The following C10orf90 variants were observed in gnomAD, a reference collection of about 807,000 sequenced individuals.
C10orf90 encodes the protein (E2-independent) E3 ubiquitin-conjugating enzyme FATS.
A neutral mutation model predicts 62.5 loss-of-function variants in C10orf90; 56 were observed. The observed-to-expected ratio is 0.90, with a 90% CI of 0.72 to 1.12. The LOEUF (loss-of-function observed/expected upper bound fraction) is 1.12, where lower values mean the gene tolerates loss of function less well. Ranked by LOEUF, C10orf90 falls within the 50% of genes most tolerant of loss-of-function variation. C10orf90 has a pLI of 0.00. For missense variants in C10orf90, 970 were observed against 880.4 expected (o/e 1.10, Z -1.29); for synonymous variants, 386 against 340.4 (o/e 1.13, Z -1.47).
Position 126,456,278 on chromosome 10 carries a change from T to C in C10orf90, c.2188+2762A>G, listed in dbSNP as rs1006898794. On this transcript the variant is annotated intron_variant, in intron 7 of 9. Coordinates refer to ENST00000488181, the MANE Select transcript of C10orf90 (RefSeq NM_001350921.2). The surrounding 1 kb of genome is among the most constrained non-coding windows in gnomAD (Gnocchi z 4.9). ...GGTTTCAGAGGCTGTCTGATTTCAC[T>C]GACCTAACACAAACGAACCCAAAAG... 5.3e-5 allele frequency among the ~76,000 whole-genome samples: 8 copies of C among 152,310 alleles called. No homozygotes were observed. Among genetic ancestry groups the C allele is most frequent in the Middle Eastern group, 3.4e-3 (1 of 294 alleles).
intron 2 of C10orf90, among the ~76,000 whole-genome samples, chr10:126,581,504 A>G (rs1209667298): frequency 7.0e-6 from 1 of 141,966 alleles, no homozygotes; most frequent in African/African-American, 2.7e-5. Context: ...GTACTCCGCA[A>G]GTCCTCCATC....
chr10:126,465,501 A>G (rs1590954646), intron 4 of C10orf90, among the ~76,000 whole-genome samples: 1 of 152,098 alleles, frequency 6.6e-6, no homozygotes, highest in South Asian at 2.1e-4. Flanking sequence ...TTATCATGAA[A>G]TAGTAATTTA....
chr10:126,606,114 T>C (rs141326339), intron 2 of C10orf90, among the ~76,000 whole-genome samples: 1 of 152,196 alleles, frequency 6.6e-6, no homozygotes, highest in African/African-American at 2.4e-5. Flanking sequence ...GCTGTCCCAC[T>C]GCACCCTGGG....
rs145769418 is a variant in C10orf90 at position 126,550,344 on chromosome 10, G to C, written c.314-36405C>G. Among the ~76,000 whole-genome samples, 1,304 of 152,264 alleles carry C rather than the reference G, an allele frequency of 8.6e-3. 5 individuals carry two copies. The highest frequency in any genetic ancestry group is 0.015 in the Non-Finnish European group (993 of 68,034). On this transcript the variant is annotated intron_variant, in intron 2 of 9. Coordinates refer to ENST00000488181, the MANE Select transcript of C10orf90 (RefSeq NM_001350921.2). The stretch of plus-strand genomic sequence containing the variant: ...GGTTAGGAAGAGGGAGGTGCAGAAG[G>C]GAAGTGAGTGTGACTATAGAAGATC...
chr10:126,656,838 T>A (rs1846404803), intron 1 of C10orf90, among the ~76,000 whole-genome samples: 1 of 152,262 alleles, frequency 6.6e-6, no homozygotes, highest in Admixed American at 6.5e-5. Flanking sequence ...ATCATGTATG[T>A]AAGTTATATC....
chr10:126,600,234 C>T (rs1159708494), intron 2 of C10orf90, among the ~76,000 whole-genome samples: 1 of 152,214 alleles, frequency 6.6e-6, no homozygotes, highest in African/African-American at 2.4e-5. Flanking sequence ...ACGGTCCAGA[C>T]GGCCAGCAGG....
intron 2 of C10orf90, among the ~76,000 whole-genome samples, chr10:126,639,059 C>T (rs901745417): frequency 6.6e-6 from 1 of 152,182 alleles, no homozygotes; most frequent in African/African-American, 2.4e-5. Context: ...AATATTACAC[C>T]TTTCTTTCTT....
chr10:126,590,517 CTTAATA>C (rs1401119143), intron 2 of C10orf90, among the ~76,000 whole-genome samples: 1 of 152,146 alleles, frequency 6.6e-6, no homozygotes, highest in South Asian at 2.1e-4. Context: ...AAAATTAGAA[CTTAATA>C]TTAAGAATCT....
rs1210867235 is a variant in C10orf90, at chr10:126,646,569, A to C, written c.309T>G (p.Asn103Lys). 3 of 451,100 alleles carry C rather than the reference A, an allele frequency of 6.7e-6. No homozygotes were observed. Among genetic ancestry groups the C allele is most frequent in the Admixed American group, 4.8e-5 (2 of 41,696 alleles). 27.9% of individuals were successfully genotyped at this position (451,100 alleles called of 1,614,324 possible). Residue 103 changes from asparagine (N) to lysine (K), a missense_variant, in exon 2 of 10, where the codon AAT (asparagine) becomes AAG (lysine). Asn to Lys is a moderately conservative substitution (Grantham distance 94, BLOSUM62 0). Transcript: ENST00000488181. ...GGGCAGGCCCCAGTCCTTTACCTGC[A>C]TTGGAAAGACTTTCATTTCTTTCCC... ...SAWERNESLS[N>K]AGLRDSYHSR...
chr10:126,454,498 G>T (rs1762960889), intron 7 of C10orf90, among the ~76,000 whole-genome samples: 1 of 151,930 alleles, frequency 6.6e-6, no homozygotes, highest in Non-Finnish European at 1.5e-5. Flanking sequence ...CCTACGACCT[G>T]CAGGGGCTGA....
intron 2 of C10orf90, among the ~76,000 whole-genome samples, chr10:126,555,904 C>T (rs141005193): frequency 2.3e-3 from 347 of 152,090 alleles, no homozygotes; most frequent in African/African-American, 8.1e-3. Flanking sequence ...GACTATACTC[C>T]GCAAAGATAT....
intron 2 of C10orf90, among the ~76,000 whole-genome samples, chr10:126,589,038 A>C (rs1376993048): frequency 6.6e-6 from 1 of 152,226 alleles, no homozygotes; most frequent in Non-Finnish European, 1.5e-5. Context: ...TGAAAAACAC[A>C]ACACAAGAAA....
chr10:126,486,151 C>G (rs992868824), intron 4 of C10orf90, among the ~76,000 whole-genome samples: 3 of 152,060 alleles, frequency 2.0e-5, no homozygotes, highest in African/African-American at 7.2e-5. Flanking sequence ...AAACATGGGA[C>G]CTGAGAATGT....
chr10:126,575,913 A>T (rs1844601732), intron 2 of C10orf90, among the ~76,000 whole-genome samples: 1 of 152,134 alleles, frequency 6.6e-6, no homozygotes, highest in African/African-American at 2.4e-5. Context: ...CCTTGTAAAA[A>T]ATTCAATTCA....
chr10:126,652,118 A>G (rs1176844562), intron 1 of C10orf90, among the ~76,000 whole-genome samples: 5 of 152,226 alleles, frequency 3.3e-5, no homozygotes, highest in Non-Finnish European at 7.3e-5. Flanking sequence ...ATGTCAGATC[A>G]GTTTATGGAT....
At chr10:126,472,570 T>A (rs1860635811) in intron 4 of C10orf90, among the ~76,000 whole-genome samples, 1 of 152,138 alleles carries the variant, frequency 6.6e-6, no homozygotes, top group African/African-American at 2.4e-5. Flanking sequence ...GGTTCTCCTT[T>A]CCTGGCGCCT....
chr10:126,563,309 C>T (rs752378742), intron 2 of C10orf90, among the ~76,000 whole-genome samples: 4 of 152,210 alleles, frequency 2.6e-5, no homozygotes, highest in Non-Finnish European at 5.9e-5. Flanking sequence ...CAGAATGAGC[C>T]TTGAGACCCC....
chr10:126,555,400 C>T (rs922798459), intron 2 of C10orf90, among the ~76,000 whole-genome samples: 3 of 152,048 alleles, frequency 2.0e-5, no homozygotes, highest in Non-Finnish European at 4.4e-5. Context: ...AGGCTGGGCA[C>T]GGTGACTCAT....
rs184759074 is a variant in C10orf90 at position 126,444,992 on chromosome 10, T to A, written c.2188+14048A>T. ...CATGTAGAATGAAACTAGATCCTCA[T>A]CTCTCACCTTAGACAAAAATCAACT... On this transcript the variant is annotated intron_variant, in intron 7 of 9. Transcript: ENST00000488181. Among the ~76,000 whole-genome samples the A allele has an allele frequency of 1.9e-3, 296 of 152,194 alleles. 1 individual carries two copies. Among genetic ancestry groups the A allele is most frequent in the African/African-American group, 6.7e-3 (280 of 41,544 alleles).
Sources: gnomAD v4.1 joint callset for allele counts (sites outside exome capture counted in the v4.1 genomes callset) on GRCh38, gnomAD v4.1.1 for gene constraint, Gnocchi (gnomAD v3.1) non-coding constraint, MANE v1.5 for transcripts, NCBI Gene and HGNC (gene_info 2026-07-23, HGNC 2026-07-21) for gene names.